The following GPRC5C variants were observed in gnomAD, a reference collection of about 807,000 sequenced individuals.
GPRC5C encodes G protein-coupled receptor class C group 5 member C.
Under a neutral mutation model 31.4 loss-of-function variants are expected in GPRC5C, and 22 were observed. The ratio of observed to expected loss-of-function variants is 0.70; its 90% CI spans 0.50 to 1.00. The LOEUF is 1.00. GPRC5C is among the 50% of genes least tolerant of loss of function. The pLI is 0.00. For missense variants in GPRC5C, 557 were observed against 597.2 expected (o/e 0.93, Z 0.70); for synonymous variants, 249 against 257.5 (o/e 0.97, Z 0.32).
In GPRC5C at chr17:74,440,738, G is replaced by A. The variant is rs201146460; in HGVS notation, c.962G>A (p.Gly321Asp). The A allele has an allele frequency of 6.3e-7, 1 of 1,598,896 alleles. No individual in the cohort carries two copies. Among genetic ancestry groups the A allele is most frequent in the African/African-American group, 1.3e-5 (1 of 74,800 alleles). ...CAGGGGGACATGTACCCCACCCGGG[G>A]CGTGGGCTATGAGACCATCCTGAAA... ...SYQGDMYPTR[G>D]VGYETILKEQ... The change falls in exon 2 of 4, where the codon GGC (glycine) becomes GAC (aspartate). Residue 321 changes from glycine to aspartate, a missense_variant. Transcript: ENST00000392627. This position sits in a 1 kb window ranked among gnomAD's most constrained non-coding sequence, Gnocchi z 4.4.
chr17:74,449,385 C>A (rs1277054377), downstream of GPRC5C: 1 of 1,282,682 alleles, frequency 7.8e-7, no homozygotes, highest in Non-Finnish European at 1.0e-6. Flanking sequence ...CTTCCCGGGA[C>A]TGCACGGCAT....
rs752865855 is a variant in GPRC5C at position 74,440,613 on chromosome 17, G to A, written c.837G>A (p.Thr279=). The stretch of plus-strand genomic sequence containing the variant: ...ACAGTCCCACCTGGGATGACCCCAC[G>A]CTGGCCATCGCCCTCGCCGCCAATG... ...QHNSPTWDDP[T]LAIALAANAW... Residue 279 remains threonine (T), a synonymous_variant, in exon 2 of 4, where the codon ACG becomes ACA. Transcript: ENST00000392627. This position sits in a 1 kb window ranked among gnomAD's most constrained non-coding sequence, Gnocchi z 4.4. 11 of 1,609,976 alleles carry A rather than the reference G, an allele frequency of 6.8e-6. No homozygotes were observed. The highest frequency in any genetic ancestry group is 5.0e-5 in the Admixed American group (3 of 59,936).
intron 3 of GPRC5C, among the ~76,000 whole-genome samples, chr17:74,444,457 GAGCAGGA>G (rs1433374644): frequency 6.6e-6 from 1 of 152,188 alleles, no homozygotes; most frequent in Non-Finnish European, 1.5e-5. Context: ...GAGGGGGAGG[GAGCAGGA>G]AGACGGTGGG....
chr17:74,450,682 T>C (rs2055705566), downstream of GPRC5C: 1 of 152,182 alleles, frequency 6.6e-6, no homozygotes, highest in Admixed American at 6.6e-5. Flanking sequence ...CCCTCGGACA[T>C]GCTCCAGAGG....
Position 74,446,895 on chromosome 17 carries a change from G to C in GPRC5C, c.1193G>C (p.Ser398Thr). ...DIILPRATAN[S>T]QVMGSANSTL... ...ATCCTCCCACGGGCCACCGCCAACA[G>C]CCAGGTGATGGGCAGTGCCAACTCG... The change falls in exon 4 of 4, where the codon AGC becomes ACC. Residue 398 changes from serine to threonine, a missense_variant. Transcript: ENST00000392627. The C allele has an allele frequency of 6.2e-7, 1 of 1,613,886 alleles. No individual in the cohort carries two copies.
downstream of GPRC5C, chr17:74,450,783 G>A (rs747251895): frequency 1.3e-5 from 2 of 152,210 alleles, no homozygotes; most frequent in Non-Finnish European, 2.9e-5. Flanking sequence ...GTGAAAATGA[G>A]CTCTCTATAA....
At position 74,447,360 on chromosome 17, in the gene GPRC5C, C is replaced by T. The variant is rs150731285; in HGVS notation, c.*332C>T. On this transcript the variant is annotated 3_prime_UTR_variant, in exon 4 of 4. Transcript: ENST00000392627. Reference sequence around the variant, plus strand: ...CTGCAACCTCAAGAGACTTCCCAGGCGCTCAGGCCTGGATCTTGCTCCTCT... The same window carrying T: ...CTGCAACCTCAAGAGACTTCCCAGGTGCTCAGGCCTGGATCTTGCTCCTCT... 458 of 1,070,522 alleles carry T rather than the reference C, an allele frequency of 4.3e-4. 2 individuals are homozygous for T. The African/African-American group carries it at 6.2e-3, about 15-fold the overall frequency. The allele number at this position is 1,070,522 out of a possible 1,614,324, so 66.3% of individuals were successfully genotyped here.
intron 3 of GPRC5C, 64 bp downstream of exon 3, chr17:74,443,976 G>A (rs1041384914): frequency 8.9e-7 from 1 of 1,124,106 alleles, no homozygotes; most frequent in African/African-American, 1.5e-5. Context: ...CAGCAGGCCA[G>A]TGGGAGAAGG....
At chr17:74,441,996 ATT>A (rs1177947559) in intron 2 of GPRC5C, among the ~76,000 whole-genome samples, 1 of 151,792 alleles carries the variant, frequency 6.6e-6, no homozygotes, top group South Asian at 2.1e-4. Context: ...TTTTCAGGTA[ATT>A]TTTTTCTCTT....
chr17:74,438,252 T>TATATATAC (rs1250000838), intron 1 of GPRC5C, among the ~76,000 whole-genome samples: 1 of 107,686 alleles, frequency 9.3e-6, no homozygotes. Flanking sequence ...TATATATATA[T>TATATATAC]TTGTTGTTGT....
intron 1 of GPRC5C, among the ~76,000 whole-genome samples, chr17:74,436,525 G>A (rs1011493792): frequency 2.0e-5 from 3 of 152,120 alleles, no homozygotes; most frequent in Non-Finnish European, 2.9e-5. Flanking sequence ...TCTTCCTTGT[G>A]TAATTTTTGT....
downstream of GPRC5C, chr17:74,449,024 G>T: frequency 3.5e-6 from 2 of 577,334 alleles, no homozygotes; most frequent in South Asian, 1.7e-5. Context: ...GGCCGGCCCC[G>T]GGGAGCCTGC....
chr17:74,443,957 G>C, intron 3 of GPRC5C, 45 bp downstream of exon 3: 2 of 1,342,328 alleles, frequency 1.5e-6, no homozygotes, highest in Middle Eastern at 1.8e-4. Flanking sequence ...GGGCTACAGA[G>C]ACCAGCCTCA....
chr17:74,434,891 C>A lies in GPRC5C; in HGVS notation c.-33+2750C>A, dbSNP rs1187316125. ...TGAGCCGAGATCATGCCATTGCACT[C>A]CAGTCTGGGCAACAAGAGTGAAGCT... On this transcript the variant is annotated intron_variant, in intron 1 of 3. Transcript: ENST00000392627. Among the ~76,000 whole-genome samples, 3 of 150,710 alleles carry A rather than the reference C, an allele frequency of 2.0e-5. No individual in the cohort carries two copies. The East Asian group carries it at 5.8e-4, about 29-fold the overall frequency.
intron 2 of GPRC5C, among the ~76,000 whole-genome samples, chr17:74,442,008 T>A (rs1480953228): frequency 6.6e-6 from 1 of 152,192 alleles, no homozygotes; most frequent in African/African-American, 2.4e-5. Flanking sequence ...TTTTTTCTCT[T>A]TTTTTATTTT....
chr17:74,436,848 A>C (rs530554036), intron 1 of GPRC5C, among the ~76,000 whole-genome samples: 1 of 152,214 alleles, frequency 6.6e-6, no homozygotes, highest in South Asian at 2.1e-4. Context: ...GAAGTTGAAC[A>C]TTTAGGATCC....
At chr17:74,445,954 T>A (rs2055620088) in intron 3 of GPRC5C, 1 of 138,832 alleles carries the variant, frequency 7.2e-6, no homozygotes, top group Non-Finnish European at 1.5e-5. Context: ...AGGCCGAGGG[T>A]TCGAGAGCAG....
rs200804586 is a variant in GPRC5C, at chr17:74,446,946, C to T, written c.1244C>T (p.Ser415Leu). Residue 415 changes from serine to leucine, a missense_variant, in exon 4 of 4, where the codon TCG becomes TTG. Transcript: ENST00000392627. ...ACCCTGCGGGCTGAAGACATGTACT[C>T]GGCCCAGAGCCACCAGGCGGCCACA... ...NSTLRAEDMY[S>L]AQSHQAATPP... The T allele has an allele frequency of 9.3e-5, 150 of 1,614,152 alleles. No homozygotes were observed. In the East Asian group the frequency reaches 2.9e-3, roughly 31 times the overall value.
chr17:74,447,012 C>A lies in GPRC5C; in HGVS notation c.1310C>A (p.Pro437His). 6.2e-7 allele frequency: 1 copy of A among 1,613,606 alleles called. No individual in the cohort carries two copies. The highest frequency in any genetic ancestry group is 8.5e-7 in the Non-Finnish European group (1 of 1,179,544). ...DGKNSQVFRN[P>H]YVWD ...AAGAACTCTCAGGTCTTTAGAAACC[C>A]CTACGTGTGGGACTGAGTCAGCGGT... The change falls in exon 4 of 4, where the codon CCC (proline) becomes CAC (histidine). Residue 437 changes from proline (P) to histidine (H), a missense_variant. Transcript: ENST00000392627.
Sources: gnomAD v4.1 joint callset for allele counts (sites outside exome capture counted in the v4.1 genomes callset) on GRCh38, gnomAD v4.1.1 for gene constraint, Gnocchi (gnomAD v3.1) non-coding constraint, MANE v1.5 for transcripts, NCBI Gene and HGNC (gene_info 2026-07-23, HGNC 2026-07-21) for gene names.